RAB10: variants seen among roughly 807,000 people sequenced by gnomAD.
RAB10 encodes ras-related protein Rab-10.
Under a neutral mutation model 25.7 loss-of-function variants are expected in RAB10, and 5 were observed. The ratio of observed to expected loss-of-function variants is 0.19; its 90% CI spans 0.10 to 0.41. The LOEUF (loss-of-function observed/expected upper bound fraction) is 0.41, where lower values mean the gene tolerates loss of function less well. Ranked by LOEUF, RAB10 falls within the 10% of genes least tolerant of loss-of-function variation. The pLI is 1.00. For missense variants in RAB10, 103 were observed against 245.8 expected (o/e 0.42, Z 3.89); for synonymous variants, 89 against 86.4 (o/e 1.03, Z -0.16).
rs957371504 is a variant in RAB10, at chr2:26,034,197, C to T, written c.-412C>T. On this transcript the variant is annotated 5_prime_UTR_variant, in exon 1 of 6. Transcript: ENST00000264710. The stretch of plus-strand genomic sequence containing the variant: ...TGAGCTCGTCGACTTAGGGGTCCTT[C>T]TTCGCTGCCCTCGCCGCGTGCTAGC... 23 of 428,238 alleles carry T rather than the reference C, an allele frequency of 5.4e-5. No individual in the cohort carries two copies. Among genetic ancestry groups the T allele is most frequent in the Non-Finnish European group, 7.8e-5 (19 of 242,096 alleles). 26.5% of individuals were successfully genotyped at this position (428,238 alleles called of 1,614,324 possible).
intron 5 of RAB10, among the ~76,000 whole-genome samples, chr2:26,129,876 A>G (rs1194241702): frequency 3.3e-5 from 5 of 152,246 alleles, no homozygotes; most frequent in Admixed American, 6.5e-5. Context: ...AAAGATCTCC[A>G]TAGTGTATTG....
At chr2:26,110,304 C>T (rs1463421147) in intron 3 of RAB10, among the ~76,000 whole-genome samples, 1 of 147,098 alleles carries the variant, frequency 6.8e-6, no homozygotes, top group African/African-American at 2.5e-5. Context: ...CGCCACTGCA[C>T]TCCAGCCTGG....
chr2:26,119,038 T>C (rs1470728487), intron 3 of RAB10, among the ~76,000 whole-genome samples: 2 of 152,202 alleles, frequency 1.3e-5, no homozygotes, highest in Non-Finnish European at 2.9e-5. Context: ...TGCTGTTTTA[T>C]TGGTCCCCTG....
chr2:26,052,079 A>G lies in RAB10; in HGVS notation c.127+17344A>G, dbSNP rs555030518. 2.0e-5 allele frequency among the ~76,000 whole-genome samples: 3 copies of G among 150,458 alleles called. No homozygotes were observed. In the South Asian group the frequency reaches 6.3e-4, roughly 32 times the overall value. On this transcript the variant is annotated intron_variant, in intron 1 of 5. Coordinates refer to ENST00000264710, the MANE Select transcript of RAB10 (RefSeq NM_016131.5). ...CTCAAAAAAAAAAAAACAAAAAGTCATTAAAAAGATGTTTGCAGCAAGACG... is the reference window on the plus strand; with the variant it reads ...CTCAAAAAAAAAAAAACAAAAAGTCGTTAAAAAGATGTTTGCAGCAAGACG...
chr2:26,056,415 T>G (rs546891740), intron 1 of RAB10, among the ~76,000 whole-genome samples: 3 of 152,068 alleles, frequency 2.0e-5, no homozygotes, highest in Non-Finnish European at 4.4e-5. Flanking sequence ...GCCAGTATGG[T>G]CTCAATCTCC....
chr2:26,082,028 A>C (rs1666880630), intron 1 of RAB10, among the ~76,000 whole-genome samples: 1 of 152,184 alleles, frequency 6.6e-6, no homozygotes, highest in South Asian at 2.1e-4. Context: ...GAAATGGTAA[A>C]AATGTGTGGA....
intron 3 of RAB10, among the ~76,000 whole-genome samples, chr2:26,114,666 G>A: frequency 6.6e-6 from 1 of 151,460 alleles, no homozygotes; most frequent in Non-Finnish European, 1.5e-5. Flanking sequence ...CAAGGTGGGT[G>A]GGTCGCTGGA....
chr2:26,044,005 A>G (rs1416494300), intron 1 of RAB10, among the ~76,000 whole-genome samples: 2 of 152,194 alleles, frequency 1.3e-5, no homozygotes, highest in African/African-American at 2.4e-5. Flanking sequence ...GGAAATAGGA[A>G]GGTGTTTAAT....
chr2:26,064,279 G>A (rs567646075), intron 1 of RAB10, among the ~76,000 whole-genome samples: 10 of 152,260 alleles, frequency 6.6e-5, no homozygotes, highest in African/African-American at 2.4e-4. Context: ...GATTGCAGAC[G>A]TTTATTTTTG....
chr2:26,082,103 T>C (rs1559587621), intron 1 of RAB10, among the ~76,000 whole-genome samples: 2 of 152,178 alleles, frequency 1.3e-5, no homozygotes, highest in African/African-American at 4.8e-5. Flanking sequence ...GTAAAATATT[T>C]TAATGTTTTA....
At chr2:26,089,908 A>G (rs1175818354) in intron 1 of RAB10, among the ~76,000 whole-genome samples, 1 of 152,094 alleles carries the variant, frequency 6.6e-6, no homozygotes, top group South Asian at 2.1e-4. Flanking sequence ...TTTTTATTGT[A>G]GTTTACAGTT....
At chr2:26,115,504 C>G (rs757388047) in intron 3 of RAB10, among the ~76,000 whole-genome samples, 12 of 152,116 alleles carry the variant, frequency 7.9e-5, no homozygotes, top group Non-Finnish European at 1.2e-4. Context: ...ACATGATTCC[C>G]TTTAAATAAA....
intron 3 of RAB10, among the ~76,000 whole-genome samples, chr2:26,118,016 G>A (rs1667728143): frequency 6.6e-6 from 1 of 152,076 alleles, no homozygotes; most frequent in Non-Finnish European, 1.5e-5. Flanking sequence ...CTGTTGCCCA[G>A]GCTGGAGTGC....
At chr2:26,058,991 C>G (rs1215375534) in intron 1 of RAB10, among the ~76,000 whole-genome samples, 1 of 152,166 alleles carries the variant, frequency 6.6e-6, no homozygotes, top group East Asian at 1.9e-4. Flanking sequence ...CTATATCTCC[C>G]TAGGACAATG....
chr2:26,085,112 CTACAGCA>C (rs1417426833), intron 1 of RAB10, among the ~76,000 whole-genome samples: 4 of 152,236 alleles, frequency 2.6e-5, no homozygotes, highest in Admixed American at 2.6e-4. Context: ...ATGAGTGGAG[CTACAGCA>C]TGTGGCAAAA....
chr2:26,076,893 G>A (rs568117000), intron 1 of RAB10, among the ~76,000 whole-genome samples: 8 of 148,068 alleles, frequency 5.4e-5, no homozygotes, highest in East Asian at 2.0e-4. Flanking sequence ...GCAGTGAGCC[G>A]AGATCACACC....
At position 26,136,492 on chromosome 2, in the gene RAB10, C is replaced by A. The variant is rs535962705; in HGVS notation, c.*1471C>A. On this transcript the variant is annotated 3_prime_UTR_variant, in exon 6 of 6. Transcript: ENST00000264710. ...AAGGCTTTTCATGTAAAGATAAGAT[C>A]TTTAGCTATCTCTAACCCTGTCCTT... 1.3e-5 allele frequency: 2 copies of A among 152,724 alleles called. No homozygotes were observed. The highest frequency in any genetic ancestry group is 2.1e-4 in the South Asian group (1 of 4,828). 9.5% of individuals were successfully genotyped at this position (152,724 alleles called of 1,614,324 possible).
chr2:26,038,268 T>C (rs191985139), intron 1 of RAB10, among the ~76,000 whole-genome samples: 93 of 147,280 alleles, frequency 6.3e-4, no homozygotes, highest in African/African-American at 2.3e-3. Context: ...ACAATCTCTG[T>C]TCACTGCAAC....
chr2:26,116,855 C>CT lies in RAB10; in HGVS notation c.327+6960dup, dbSNP rs879498612. Among the ~76,000 whole-genome samples the CT allele has an allele frequency of 5.0e-3, 731 of 145,842 alleles. 4 individuals are homozygous for CT. The highest frequency in any genetic ancestry group is 0.015 in the African/African-American group (614 of 40,082). On this transcript the variant is annotated intron_variant, in intron 3 of 5. Transcript: ENST00000264710. ...ACAGGCGTGAGCCACCACGCCCGGC[C>CT]TTTTTTTTTTTCTTTTTCTTTTTTT...
Sources: allele counts gnomAD v4.1 joint callset (sites outside exome capture counted in the v4.1 genomes callset), GRCh38; gene constraint gnomAD v4.1.1; transcripts MANE v1.5; gene names NCBI Gene and HGNC (gene_info 2026-07-23, HGNC 2026-07-21).